The following WDR90 variants were observed in gnomAD, a reference collection of about 807,000 sequenced individuals.
WDR90 encodes WD repeat domain 90, also known as WD repeat-containing protein 90.
In WDR90, 238 loss-of-function variants were observed where a neutral mutation model predicts 195.2. That is an observed-to-expected ratio of 1.22 (90% confidence interval 1.10 to 1.36). WDR90 has a LOEUF of 1.36. WDR90 is among the 40% of genes most tolerant of loss of function. The pLI is 0.00. For missense variants in WDR90, 2,734 were observed against 2,439.5 expected (o/e 1.12, Z -2.54); for synonymous variants, 1,265 against 1,052.4 (o/e 1.20, Z -3.91).
At position 667,492 on chromosome 16, in the gene WDR90, A is replaced by G; in HGVS notation, c.5150A>G (p.Asp1717Gly). Residue 1717 changes from aspartate to glycine, a missense_variant, in exon 41 of 41, where the codon GAC (aspartate) becomes GGC (glycine). By Grantham distance (94) the Asp-to-Gly change is moderately conservative. Coordinates refer to ENST00000293879, the MANE Select transcript of WDR90 (RefSeq NM_145294.5). The part of the protein sequence containing the change: ...MGTAQDFAGH[D>G]NAVHLCRFTP... ...ACTGCCCAAGACTTTGCCGGCCACG[A>G]CAACGCAGTGCACCTGTGCAGGTTT... 1.2e-6 allele frequency: 2 copies of G among 1,611,880 alleles called. No homozygotes were observed. The highest frequency in any genetic ancestry group is 1.7e-6 in the Non-Finnish European group (2 of 1,179,310).
intron 28 of WDR90, 148 bp downstream of exon 28, chr16:660,862 C>G: frequency 1.0e-6 from 1 of 965,366 alleles, no homozygotes; most frequent in Non-Finnish European, 1.4e-6. Context: ...TCCTGGCGCT[C>G]CAGCCGAGGT....
rs1353340242 is a variant in WDR90 at position 661,073 on chromosome 16, C to T, written c.3414C>T (p.Gly1138=). 1.3e-6 allele frequency: 2 copies of T among 1,511,532 alleles called. No individual in the cohort carries two copies. The highest frequency in any genetic ancestry group is 2.0e-5 in the Admixed American group (1 of 50,980). The allele number at this position is 1,511,532 out of a possible 1,614,324, so 93.6% of individuals were successfully genotyped here. ...CAGGCTTCTTTGCCTACACGTGCGGCCGCCTGGTGGTGGTGGAGGACCTGC... is the reference window on the plus strand; with the variant it reads ...CAGGCTTCTTTGCCTACACGTGCGGTCGCCTGGTGGTGGTGGAGGACCTGC... ...PDTGFFAYTC[G]RLVVVEDLHS... Residue 1138 remains glycine, a synonymous_variant, in exon 29 of 41, where the codon GGC becomes GGT. Coordinates refer to ENST00000293879, the MANE Select transcript of WDR90 (RefSeq NM_145294.5).
intron 26 of WDR90, 112 bp downstream of exon 26, chr16:659,488 CT>C: frequency 7.1e-7 from 1 of 1,407,366 alleles, no homozygotes; most frequent in Non-Finnish European, 9.7e-7. Context: ...GGTGCCATCG[CT>C]GCTCATCAGG....
In WDR90 at chr16:655,770, C is replaced by T. The variant is rs757678298; in HGVS notation, c.1850-3C>T. The T allele has an allele frequency of 6.3e-7, 1 of 1,584,510 alleles. No homozygotes were observed. Among genetic ancestry groups the T allele is most frequent in the Non-Finnish European group, 8.6e-7 (1 of 1,165,508 alleles). On this transcript the variant is annotated splice_polypyrimidine_tract_variant and splice_region_variant and intron_variant, in intron 16 of 40. Coordinates refer to ENST00000293879, the MANE Select transcript of WDR90 (RefSeq NM_145294.5). ...CGAGGCACTGACGCCTCCCTGCCCC[C>T]AGGCCCCGGCATTGCCATCAGCAGC...
intron 34 of WDR90, 141 bp from the exon 35 acceptor site, chr16:665,538 C>A: frequency 7.2e-7 from 1 of 1,384,900 alleles, no homozygotes; most frequent in South Asian, 1.2e-5. Flanking sequence ...TTGCTCCTTT[C>A]CGCCATGTGG....
rs373248759 is a variant in WDR90, at chr16:651,758, C to T, written c.840+11C>T. ...CCCAGCCCCACAGCCGTGAGTACCCCCTTCGCCCTATGAGATGGGGTTGGG... is the reference window on the plus strand; with the variant it reads ...CCCAGCCCCACAGCCGTGAGTACCCTCTTCGCCCTATGAGATGGGGTTGGG... On this transcript the variant is annotated intron_variant, in intron 8 of 40. Coordinates refer to ENST00000293879, the MANE Select transcript of WDR90 (RefSeq NM_145294.5). 1.2e-5 allele frequency: 20 copies of T among 1,612,892 alleles called. No individual in the cohort carries two copies. In the African/African-American group the frequency reaches 2.4e-4, roughly 19 times the overall value.
chr16:657,713 G>T (rs758573804), intron 20 of WDR90, 49 bp from the exon 21 acceptor site: 1 of 1,484,808 alleles, frequency 6.7e-7, no homozygotes, highest in African/African-American at 1.5e-5. Flanking sequence ...CTGGCCACGC[G>T]CACCCCGGCA....
intron 20 of WDR90, among the ~76,000 whole-genome samples, chr16:657,543 G>A (rs1380451516): frequency 6.6e-6 from 1 of 152,222 alleles, no homozygotes; most frequent in Non-Finnish European, 1.5e-5. Flanking sequence ...CCCCCTGAGT[G>A]GTCACTTATG....
chr16:656,754 A>C lies in WDR90; in HGVS notation c.2225A>C (p.Glu742Ala). 6.2e-7 allele frequency: 1 copy of C among 1,613,110 alleles called. No individual in the cohort carries two copies. The highest frequency in any genetic ancestry group is 1.1e-5 in the South Asian group (1 of 91,082). ...LQQLYDFTSS[E>A]DAPCAVTFHP... The stretch of plus-strand genomic sequence containing the variant: ...CAGCTATACGACTTCACATCATCAG[A>C]GGACGCCCCGTGCGCTGTCACCTTC... The change falls in exon 19 of 41, where the codon GAG becomes GCG. Residue 742 changes from glutamate (E) to alanine (A), a missense_variant. Physicochemically the swap from Glu to Ala is moderately radical, Grantham distance 107 (BLOSUM62 -1). Transcript: ENST00000293879.
intron 33 of WDR90, 67 bp from the exon 34 acceptor site, chr16:662,612 C>T (rs994088204): frequency 1.3e-6 from 2 of 1,509,736 alleles, no homozygotes; most frequent in African/African-American, 1.4e-5. Context: ...CGGCTGGGGA[C>T]CCAGCTGGCT....
At chr16:660,871 G>A (rs867824833) in intron 28 of WDR90, 157 bp downstream of exon 28, 1 of 908,108 alleles carries the variant, frequency 1.1e-6, no homozygotes, top group African/African-American at 2.0e-5. Flanking sequence ...TCCAGCCGAG[G>A]TCCTGTGAAG....
intron 26 of WDR90, among the ~76,000 whole-genome samples, chr16:659,835 C>T (rs1340531239): frequency 6.6e-6 from 1 of 152,178 alleles, no homozygotes; most frequent in African/African-American, 2.4e-5. Context: ...ACGCTGGTGC[C>T]GGTGCAGGGG....
At position 661,116 on chromosome 16, in the gene WDR90, C is replaced by T; in HGVS notation, c.3457C>T (p.His1153Tyr). The T allele has an allele frequency of 6.4e-7, 1 of 1,563,468 alleles. No individual in the cohort carries two copies. The highest frequency in any genetic ancestry group is 8.6e-7 in the Non-Finnish European group (1 of 1,162,402). Residue 1153 changes from histidine to tyrosine, a missense_variant, in exon 29 of 41, where the codon CAC becomes TAC. Coordinates refer to ENST00000293879, the MANE Select transcript of WDR90 (RefSeq NM_145294.5). ...VEDLHSGAQQ[H>Y]WSGHSAEIST... is the part of the protein sequence containing the mutation. ...GGACCTGCACTCTGGCGCCCAGCAG[C>T]ACTGGTCCGGCCACTCTGCGGAGAT...
intron 20 of WDR90, 131 bp from the exon 21 acceptor site, chr16:657,631 G>C: frequency 7.7e-7 from 1 of 1,307,056 alleles, no homozygotes; most frequent in Non-Finnish European, 1.0e-6. Context: ...ATCCTCTGCC[G>C]GTGTGATGCG....
intron 5 of WDR90, 116 bp downstream of exon 5, chr16:650,825 C>T (rs1160534431): frequency 1.3e-6 from 2 of 1,505,762 alleles, no homozygotes; most frequent in Non-Finnish European, 1.8e-6. Flanking sequence ...TGTCTCTGAG[C>T]TCTGGCCAGA....
At position 658,292 on chromosome 16, in the gene WDR90, C is replaced by T. The variant is rs527597867; in HGVS notation, c.2714C>T (p.Ser905Leu). Residue 905 changes from serine (S) to leucine (L), a missense_variant, in exon 22 of 41, where the codon TCG becomes TTG. Coordinates refer to ENST00000293879, the MANE Select transcript of WDR90 (RefSeq NM_145294.5). Reference sequence around the variant, plus strand: ...CTGGGCCACCTGCTGGTGTCCACCTCGTCCAACAGAGTCGTGGTGCTGGAT... The same window carrying T: ...CTGGGCCACCTGCTGGTGTCCACCTTGTCCAACAGAGTCGTGGTGCTGGAT... ...AALGHLLVST[S>L]SNRVVVLDAV... The T allele has an allele frequency of 8.1e-6, 13 of 1,612,648 alleles. No homozygotes were observed. In the African/African-American group the frequency reaches 1.2e-4, roughly 15 times the overall value.
At chr16:662,629 A>G (rs747204654) in intron 33 of WDR90, 50 bp from the exon 34 acceptor site, 16 of 1,512,968 alleles carry the variant, frequency 1.1e-5, no homozygotes, top group Non-Finnish European at 1.2e-5. Context: ...GGCTCTTGTC[A>G]TCGGCCTTGA....
intron 40 of WDR90, 84 bp from the exon 41 acceptor site, chr16:667,348 G>A (rs891339004): frequency 6.2e-5 from 94 of 1,514,862 alleles, no homozygotes; most frequent in Non-Finnish European, 8.1e-5. Context: ...ATCATGCCCA[G>A]TGGGGACAGT....
intron 2 of WDR90, 48 bp from the exon 3 acceptor site, chr16:649,943 T>G (rs1490921472): frequency 6.2e-7 from 1 of 1,606,788 alleles, no homozygotes; most frequent in Admixed American, 1.7e-5. Flanking sequence ...TCGCCCCCGC[T>G]GCACTTCTTC....
Sources: allele counts gnomAD v4.1 joint callset (sites outside exome capture counted in the v4.1 genomes callset), GRCh38; gene constraint gnomAD v4.1.1; transcripts MANE v1.5; gene names NCBI Gene and HGNC (gene_info 2026-07-23, HGNC 2026-07-21).